The following ITGB5 variants were observed in gnomAD, a reference collection of about 807,000 sequenced individuals.
ITGB5 encodes integrin beta-5.
A neutral mutation model predicts 84.8 loss-of-function variants in ITGB5; 38 were observed. The observed-to-expected ratio is 0.45, with a 90% CI of 0.35 to 0.59. The LOEUF is 0.59. Among genes scored for constraint, ITGB5 ranks in the 20% least tolerant of loss-of-function variants. The pLI, the probability that ITGB5 is intolerant of heterozygous loss-of-function variation, is 0.01. For synonymous variants in ITGB5, 393 were observed against 414.4 expected (o/e 0.95, Z 0.63); for missense variants, 905 against 1,034.5 (o/e 0.87, Z 1.72).
At chr3:124,895,475 C>T (rs1935084131) in intron 1 of ITGB5, among the ~76,000 whole-genome samples, 1 of 152,168 alleles carries the variant, frequency 6.6e-6, no homozygotes, top group Non-Finnish European at 1.5e-5. Context: ...TCCTCCTGCC[C>T]CTGGCCTCCC....
chr3:124,837,384 C>T (rs1291489059), intron 5 of ITGB5, among the ~76,000 whole-genome samples: 1 of 152,210 alleles, frequency 6.6e-6, no homozygotes, highest in Middle Eastern at 3.2e-3. Flanking sequence ...CAATCATAGG[C>T]TCTGGGTAAA....
chr3:124,799,173 T>G (rs1250136747), intron 9 of ITGB5, among the ~76,000 whole-genome samples: 2 of 152,168 alleles, frequency 1.3e-5, no homozygotes, highest in Non-Finnish European at 2.9e-5. Flanking sequence ...ACTCCAAGGC[T>G]AAGTTCCAAG....
chr3:124,766,392 C>T (rs774832840), intron 12 of ITGB5, 47 bp from the exon 13 acceptor site: 2 of 1,603,712 alleles, frequency 1.2e-6, no homozygotes, highest in Admixed American at 1.7e-5. Context: ...CTGAGCAGCC[C>T]ACAGCCACTG....
chr3:124,819,662 A>T, intron 7 of ITGB5, 77 bp downstream of exon 7: 1 of 1,025,226 alleles, frequency 9.8e-7, no homozygotes, highest in South Asian at 1.3e-5. Flanking sequence ...AATTTCCCCC[A>T]GATAGGCAGA....
intron 5 of ITGB5, among the ~76,000 whole-genome samples, chr3:124,839,156 A>G (rs2064978596): frequency 6.6e-6 from 1 of 152,224 alleles, no homozygotes; most frequent in Non-Finnish European, 1.5e-5. Context: ...CTGAGCAATC[A>G]TTAACTTTCC....
intron 10 of ITGB5, chr3:124,791,521 TAG>T (rs1370000667): frequency 1.3e-5 from 2 of 152,244 alleles, no homozygotes; most frequent in Admixed American, 6.5e-5. Context: ...CTCCTACTGA[TAG>T]AGAGTCCAGT....
At chr3:124,818,773 A>G (rs2064650714) in intron 7 of ITGB5, among the ~76,000 whole-genome samples, 1 of 152,222 alleles carries the variant, frequency 6.6e-6, no homozygotes, top group African/African-American at 2.4e-5. Flanking sequence ...CTAAAGGAGG[A>G]TAAAGAACTC....
At chr3:124,765,302 TGTTGGTATTTGGATTAAA>T (rs148924593) in intron 13 of ITGB5, among the ~76,000 whole-genome samples, 1,651 of 152,202 alleles carry the variant, frequency 0.011, 24 homozygotes, top group African/African-American at 0.038. Context: ...AGAGGCAGAA[TGTTGGTATTTGGATTAAA>T]GCTTGACCTC....
chr3:124,898,216 G>A lies in ITGB5; in HGVS notation c.-255+3050C>T, dbSNP rs1376778104. On this transcript the variant is annotated intron_variant, in intron 1 of 4. Transcript: ENST00000608657. ...TATCTATTTGTATTGATGCTTTGAG[G>A]TCTTTTTTTTTTTTTAACTTGAGAC... Among the ~76,000 whole-genome samples, 5 of 61,624 alleles carry A rather than the reference G, an allele frequency of 8.1e-5. No homozygotes were observed. In the South Asian group the frequency reaches 3.1e-3, roughly 38 times the overall value. 40.4% of individuals were successfully genotyped at this position (61,624 alleles called of 152,430 possible). A position where few individuals can be genotyped will look rare whatever the true frequency, so the allele number is the denominator to read the frequency against.
chr3:124,881,142 C>T (rs1934547904), intron 1 of ITGB5, among the ~76,000 whole-genome samples: 1 of 151,670 alleles, frequency 6.6e-6, no homozygotes, highest in African/African-American at 2.4e-5. Context: ...CACCACCATG[C>T]CTGGCTAATT....
chr3:124,878,600 T>C (rs116279017), intron 1 of ITGB5: 2,535 of 152,230 alleles, frequency 0.017, 34 homozygotes, highest in South Asian at 0.04. Context: ...GTGAATGACC[T>C]ACCAGCCCTT....
At chr3:124,842,429 T>C (rs2065023011) in intron 4 of ITGB5, among the ~76,000 whole-genome samples, 1 of 152,224 alleles carries the variant, frequency 6.6e-6, no homozygotes, top group South Asian at 2.1e-4. Context: ...AGAGAGCTTA[T>C]ATTGTTTTAC....
chr3:124,779,300 G>A (rs1332584840), intron 10 of ITGB5, among the ~76,000 whole-genome samples: 1 of 152,174 alleles, frequency 6.6e-6, no homozygotes, highest in Non-Finnish European at 1.5e-5. Flanking sequence ...CAGGAAAAGT[G>A]GAGGGATGAG....
chr3:124,805,100 C>T (rs1364159706), intron 9 of ITGB5, among the ~76,000 whole-genome samples: 1 of 139,180 alleles, frequency 7.2e-6, no homozygotes, highest in Non-Finnish European at 1.5e-5. Context: ...CTTTCTCTCT[C>T]TCTCTCTCCT....
rs552537342 is a variant in ITGB5 at position 124,800,797 on chromosome 3, T to G, written c.1264-3980A>C. ...CAGAAAGGCTGGAAGGCAGCTGGAA[T>G]GAGGCCTCTTCGAGTCCCTCCCCTG... On this transcript the variant is annotated intron_variant, in intron 9 of 14. Coordinates refer to ENST00000296181, the MANE Select transcript of ITGB5 (RefSeq NM_002213.5). Among the ~76,000 whole-genome samples, 37 of 152,260 alleles carry G rather than the reference T, an allele frequency of 2.4e-4. 1 individual carries two copies. The highest frequency in any genetic ancestry group is 7.3e-5 in the Non-Finnish European group (5 of 68,042).
At chr3:124,849,325 G>A (rs1035021259) in intron 3 of ITGB5, among the ~76,000 whole-genome samples, 1 of 152,210 alleles carries the variant, frequency 6.6e-6, no homozygotes, top group Non-Finnish European at 1.5e-5. Flanking sequence ...GTGGGCCTGA[G>A]TGGGGAAGAA....
rs772765675 is a variant in ITGB5 at position 124,848,515 on chromosome 3, G to A, written c.405C>T (p.Asp135=). The A allele has an allele frequency of 1.2e-6, 2 of 1,614,012 alleles. No homozygotes were observed. Among genetic ancestry groups the A allele is most frequent in the Non-Finnish European group, 1.7e-6 (2 of 1,179,988 alleles). The change falls in exon 4 of 15, where the codon GAC becomes GAT. Residue 135 remains aspartate, a synonymous_variant. Transcript: ENST00000296181. ...TCAGGTAGTACAGGTCCACAGGATA[G>A]TCCTCCACCTGGCGAACCTGTAGCT... ...TFQLQVRQVE[D]YPVDLYYLMD...
At chr3:124,764,694 G>A (rs6782056) in intron 13 of ITGB5, 137 bp from the exon 14 acceptor site, 124,268 of 756,550 alleles carry the variant, frequency 0.16, 11,080 homozygotes, top group Admixed American at 0.27. Context: ...ATCCTCAGGA[G>A]GGTTTCCCCA....
At position 124,829,959 on chromosome 3, in the gene ITGB5, T is replaced by C. The variant is rs554089796; in HGVS notation, c.781-8485A>G. Among the ~76,000 whole-genome samples the C allele has an allele frequency of 4.6e-5, 7 of 152,290 alleles. No individual in the cohort carries two copies. The South Asian group carries it at 1.5e-3, about 32-fold the overall frequency. Reference sequence around the variant, plus strand: ...ATGAAAAGGGGAAGCAGGAATGAGATGGAAGACCAGCCCTTCCCAGTCACT... The same window carrying C: ...ATGAAAAGGGGAAGCAGGAATGAGACGGAAGACCAGCCCTTCCCAGTCACT... On this transcript the variant is annotated intron_variant, in intron 5 of 14. Transcript: ENST00000296181.
Sources: allele counts gnomAD v4.1 joint callset (sites outside exome capture counted in the v4.1 genomes callset), GRCh38; gene constraint gnomAD v4.1.1; transcripts MANE v1.5; gene names NCBI Gene and HGNC (gene_info 2026-07-23, HGNC 2026-07-21).